Variants in CORO2B observed in about 807,000 individuals in gnomAD.
The protein encoded by CORO2B is coronin 2B.
In CORO2B, 26 loss-of-function variants were observed where a neutral mutation model predicts 58.8. The observed-to-expected ratio is 0.44, with a 90% CI of 0.32 to 0.61. CORO2B has a LOEUF of 0.61. Among genes scored for constraint, CORO2B ranks in the 20% least tolerant of loss-of-function variants. CORO2B has a pLI of 0.04. For missense variants in CORO2B, 460 were observed against 645.1 expected, an observed-to-expected ratio of 0.71 and a Z score of 3.11; for synonymous variants, 242 against 253.8, an observed-to-expected ratio of 0.95 and a Z score of 0.44.
chr15:68,708,232 A>T (rs1892827656), intron 3 of CORO2B, among the ~76,000 whole-genome samples: 1 of 152,010 alleles, frequency 6.6e-6, no homozygotes, highest in African/African-American at 2.4e-5. Flanking sequence ...GGAAATGCTT[A>T]TTCTTATAGT....
chr15:68,714,419 C>T (rs996565111), intron 6 of CORO2B, 140 bp from the exon 7 acceptor site: 67 of 684,558 alleles, frequency 9.8e-5, no homozygotes, highest in Non-Finnish European at 1.5e-4. Context: ...AGTCTTGCCA[C>T]CACCCATAGG....
At chr15:68,560,723 C>T in the CORO2B span, among the ~76,000 whole-genome samples, 73,457 of 152,090 alleles carry the variant, frequency 0.48, 18,874 homozygotes, top group East Asian at 0.79. Flanking sequence ...CAGGGCCGCT[C>T]TCCAGCTGTG....
chr15:68,714,268 G>T (rs3764204), intron 6 of CORO2B, among the ~76,000 whole-genome samples: 65 of 152,250 alleles, frequency 4.3e-4, no homozygotes, highest in African/African-American at 1.4e-3. Flanking sequence ...CAGAGTGGGG[G>T]CTGAGCTCCA....
At chr15:68,599,123 C>T (rs1899911973) in intron 1 of CORO2B, among the ~76,000 whole-genome samples, 1 of 152,192 alleles carries the variant, frequency 6.6e-6, no homozygotes, top group African/African-American at 2.4e-5. Context: ...CGGCTTGCTG[C>T]CCCCAAACTC....
At chr15:68,676,948 T>TG (rs1902607883) in intron 2 of CORO2B, among the ~76,000 whole-genome samples, 1 of 151,920 alleles carries the variant, frequency 6.6e-6, no homozygotes, top group Non-Finnish European at 1.5e-5. Flanking sequence ...ATTTTTTTTC[T>TG]TTTTTTTGTA....
intron 1 of CORO2B, among the ~76,000 whole-genome samples, chr15:68,589,043 G>GC (rs1487735938): frequency 1.1e-4 from 17 of 152,116 alleles, no homozygotes; most frequent in Admixed American, 1.0e-3. Flanking sequence ...CTGCCTTCCT[G>GC]CCTTACTCAT....
chr15:68,622,097 T>C (rs1269616897), intron 1 of CORO2B, among the ~76,000 whole-genome samples: 1 of 152,182 alleles, frequency 6.6e-6, no homozygotes, highest in Non-Finnish European at 1.5e-5. Flanking sequence ...TTTTCCATCT[T>C]TAAAATGGGG....
Position 68,675,393 on chromosome 15 carries a change from T to A in CORO2B, c.217-19747T>A, listed in dbSNP as rs532703121. 1.5e-4 allele frequency among the ~76,000 whole-genome samples: 23 copies of A among 152,260 alleles called. 1 individual carries two copies. The highest frequency in any genetic ancestry group is 5.5e-4 in the African/African-American group (23 of 41,548). ...GAGCTGTCTCTTCCTCTAGCTCACC[T>A]TCCCAGGGAAAGTAAAGCCTCTGAG... On this transcript the variant is annotated intron_variant, in intron 2 of 11. Transcript: ENST00000261861.
intron 3 of CORO2B, among the ~76,000 whole-genome samples, chr15:68,708,629 T>C (rs1213590691): frequency 6.6e-6 from 1 of 152,038 alleles, no homozygotes; most frequent in East Asian, 1.9e-4. Context: ...CCCAAAGTGC[T>C]GGGATTACAG....
At chr15:68,602,584 G>A (rs16952299) in intron 1 of CORO2B, among the ~76,000 whole-genome samples, 4,492 of 152,316 alleles carry the variant, frequency 0.029, 225 homozygotes, top group African/African-American at 0.1. Context: ...GGATCCAGCT[G>A]TAACCTCCAC....
At chr15:68,692,887 G>A (rs571616380) in intron 2 of CORO2B, among the ~76,000 whole-genome samples, 2 of 152,046 alleles carry the variant, frequency 1.3e-5, no homozygotes, top group South Asian at 4.2e-4. Flanking sequence ...ACCCGTCTCA[G>A]CCTCTCAAAG....
chr15:68,599,395 G>C (rs1246979344), intron 1 of CORO2B, among the ~76,000 whole-genome samples: 4 of 152,222 alleles, frequency 2.6e-5, no homozygotes, highest in Non-Finnish European at 4.4e-5. Context: ...TGGCCCTATA[G>C]ATGTTCAATT....
chr15:68,590,982 T>A (rs1209764123), intron 1 of CORO2B, among the ~76,000 whole-genome samples: 1 of 152,098 alleles, frequency 6.6e-6, no homozygotes, highest in Non-Finnish European at 1.5e-5. Flanking sequence ...TTAAAAAAAA[T>A]TTGCTGAGCC....
At chr15:68,686,899 CAAA>C (rs1205410989) in intron 2 of CORO2B, among the ~76,000 whole-genome samples, 1 of 115,586 alleles carries the variant, frequency 8.7e-6, no homozygotes, top group Non-Finnish European at 1.9e-5. Flanking sequence ...AACTCCGTCT[CAAA>C]AAAAAAAAAA....
chr15:68,563,048 C>G, the CORO2B span, among the ~76,000 whole-genome samples: 1 of 150,390 alleles, frequency 6.6e-6, no homozygotes, highest in East Asian at 1.9e-4. Flanking sequence ...TCATTGAAAA[C>G]AGTGGTTAGA....
At chr15:68,534,925 A>G in the CORO2B span, among the ~76,000 whole-genome samples, 1 of 151,096 alleles carries the variant, frequency 6.6e-6, no homozygotes, top group South Asian at 2.1e-4. Flanking sequence ...CCTTTATAAA[A>G]GCATTAGATC....
At chr15:68,701,716 CCTCGTG>C (rs1892656158) in intron 3 of CORO2B, among the ~76,000 whole-genome samples, 1 of 151,974 alleles carries the variant, frequency 6.6e-6, no homozygotes, top group Non-Finnish European at 1.5e-5. Context: ...AATCTCCTGA[CCTCGTG>C]ATCTGCCCGC....
intron 1 of CORO2B, among the ~76,000 whole-genome samples, chr15:68,587,049 T>TACACACACACACAC (rs58729813): frequency 1.6e-4 from 9 of 57,888 alleles, no homozygotes; most frequent in East Asian, 1.7e-3. Context: ...GAGATATGTA[T>TACACACACACACAC]ACACACACAC....
At chr15:68,634,727 G>A (rs1900972434) in intron 1 of CORO2B, among the ~76,000 whole-genome samples, 1 of 152,184 alleles carries the variant, frequency 6.6e-6, no homozygotes, top group Non-Finnish European at 1.5e-5. Flanking sequence ...AAGCCCACCG[G>A]GTAATTGTGA....
Sources: allele counts gnomAD v4.1 joint callset (sites outside exome capture counted in the v4.1 genomes callset), GRCh38; gene constraint gnomAD v4.1.1; transcripts MANE v1.5; gene names NCBI Gene and HGNC (gene_info 2026-07-23, HGNC 2026-07-21).